ENTREP1: variants seen among roughly 807,000 people sequenced by gnomAD.
The protein encoded by ENTREP1 is Friedreich ataxia region gene X123.
the ENTREP1 span, chr9:69,325,265 C>T: frequency 9.9e-6 from 10 of 1,009,312 alleles, no homozygotes; most frequent in Non-Finnish European, 1.1e-5. Flanking sequence ...CGTCCTCTGC[C>T]CGCCGCAGCC....
At chr9:69,372,024 T>A in the ENTREP1 span, among the ~76,000 whole-genome samples, 3 of 152,204 alleles carry the variant, frequency 2.0e-5, no homozygotes, top group African/African-American at 7.2e-5. Context: ...TTTAGAAGAT[T>A]AAATATTTTG....
At chr9:69,328,965 T>TATAC in the ENTREP1 span, among the ~76,000 whole-genome samples, 3 of 152,040 alleles carry the variant, frequency 2.0e-5, no homozygotes, top group South Asian at 6.2e-4. Flanking sequence ...CAAGGGATCA[T>TATAC]ATAATATGTG....
the ENTREP1 span, chr9:69,387,058 C>A: frequency 6.6e-6 from 1 of 152,234 alleles, no homozygotes; most frequent in Non-Finnish European, 1.5e-5. Flanking sequence ...TGCAGACCTG[C>A]GGGGGCAAGA....
At chr9:69,337,005 C>CT in the ENTREP1 span, among the ~76,000 whole-genome samples, 104 of 56,000 alleles carry the variant, frequency 1.9e-3, 4 homozygotes, top group South Asian at 4.8e-3. Flanking sequence ...GCTGTTATTC[C>CT]TTTTTTTTTT....
the ENTREP1 span, among the ~76,000 whole-genome samples, chr9:69,367,034 A>C: frequency 6.6e-6 from 1 of 151,834 alleles, no homozygotes; most frequent in East Asian, 1.9e-4. Flanking sequence ...CTCCCACTTC[A>C]GCCTCCCAAG....
chr9:69,327,370 G>A, the ENTREP1 span, among the ~76,000 whole-genome samples: 1,561 of 152,256 alleles, frequency 0.01, 25 homozygotes, highest in African/African-American at 0.035. Flanking sequence ...ACTAAGTCCA[G>A]CCAAATGGTG....
the ENTREP1 span, among the ~76,000 whole-genome samples, chr9:69,335,423 G>A: frequency 6.6e-6 from 1 of 152,210 alleles, no homozygotes; most frequent in Non-Finnish European, 1.5e-5. Context: ...AGGCAGCTAG[G>A]AGGGAAGCTG....
At chr9:69,330,669 T>C in the ENTREP1 span, among the ~76,000 whole-genome samples, 1 of 152,328 alleles carries the variant, frequency 6.6e-6, no homozygotes, top group East Asian at 1.9e-4. Flanking sequence ...TACTTTAATA[T>C]TTAAGGGATA....
chr9:69,355,673 T>G, the ENTREP1 span, among the ~76,000 whole-genome samples: 1 of 152,220 alleles, frequency 6.6e-6, no homozygotes, highest in Non-Finnish European at 1.5e-5. Context: ...ACAGGATTCC[T>G]GTTTGGCGTC....
the ENTREP1 span, among the ~76,000 whole-genome samples, chr9:69,353,637 A>G: frequency 4.6e-5 from 7 of 152,308 alleles, no homozygotes; most frequent in African/African-American, 7.2e-5. Context: ...TTGGTTCACA[A>G]TCTTCAAATA....
the ENTREP1 span, among the ~76,000 whole-genome samples, chr9:69,368,354 G>A: frequency 1.3e-5 from 2 of 152,034 alleles, no homozygotes; most frequent in South Asian, 4.1e-4. Flanking sequence ...TCCTTATTAT[G>A]TTGAGGTATG....
At chr9:69,373,057 A>T in the ENTREP1 span, among the ~76,000 whole-genome samples, 1 of 151,906 alleles carries the variant, frequency 6.6e-6, no homozygotes, top group Non-Finnish European at 1.5e-5. Context: ...TGAGTTATAG[A>T]AGTTCTTTAT....
chr9:69,377,237 A>G, the ENTREP1 span: 1 of 675,076 alleles, frequency 1.5e-6, no homozygotes, highest in Admixed American at 2.2e-5. Context: ...ACACCATCTA[A>G]GTCCTTTACA....
the ENTREP1 span, among the ~76,000 whole-genome samples, chr9:69,364,983 T>A: frequency 6.6e-6 from 1 of 152,154 alleles, no homozygotes; most frequent in Admixed American, 6.5e-5. Flanking sequence ...TGGAGCATTC[T>A]CTCAGCTTGT....
the ENTREP1 span, among the ~76,000 whole-genome samples, chr9:69,376,201 T>C: frequency 2.0e-5 from 3 of 152,200 alleles, no homozygotes; most frequent in Admixed American, 1.3e-4. Context: ...TACACACACA[T>C]ATACGGTGTA....
chr9:69,360,359 CT>C, the ENTREP1 span, among the ~76,000 whole-genome samples: 1 of 152,202 alleles, frequency 6.6e-6, no homozygotes, highest in Non-Finnish European at 1.5e-5. Flanking sequence ...CATTTCGCCC[CT>C]CTGCCCCAAC....
chr9:69,340,722 CATGTGTGTGTGT>C, the ENTREP1 span, among the ~76,000 whole-genome samples: 5 of 22,954 alleles, frequency 2.2e-4, no homozygotes, highest in African/African-American at 3.6e-4. Flanking sequence ...TGTGTGCATG[CATGTGTGTGTGT>C]ATGTGTGTGT....
At chr9:69,347,506 C>G in the ENTREP1 span, among the ~76,000 whole-genome samples, 1 of 152,220 alleles carries the variant, frequency 6.6e-6, no homozygotes, top group African/African-American at 2.4e-5. Flanking sequence ...CCTTGCCTTC[C>G]CACGGCAGGC....
At chr9:69,371,582 T>C in the ENTREP1 span, 2 of 1,613,578 alleles carry the variant, frequency 1.2e-6, no homozygotes, top group Non-Finnish European at 1.7e-6. Flanking sequence ...GGGCCCAGTT[T>C]GTGTCCAGCG....
Sources: allele counts gnomAD v4.1 joint callset (sites outside exome capture counted in the v4.1 genomes callset), GRCh38; gene constraint gnomAD v4.1.1; transcripts MANE v1.5; gene names NCBI Gene and HGNC (gene_info 2026-07-23, HGNC 2026-07-21).